The following RUNX2 variants were observed in gnomAD, a reference collection of about 807,000 sequenced individuals.
RUNX2 encodes RUNX family transcription factor 2, also known as runt-related transcription factor 2.
RUNX2 carries 10 observed loss-of-function variants against 51.7 expected under a neutral mutation model. That is an observed-to-expected ratio of 0.19 (90% CI 0.12 to 0.33). RUNX2 has a LOEUF of 0.33. Among genes scored for constraint, RUNX2 ranks in the 10% least tolerant of loss-of-function variants. The pLI is 1.00. For missense variants in RUNX2, 562 were observed against 691.3 expected, an observed-to-expected ratio of 0.81 and a Z score of 2.10; for synonymous variants, 276 against 273.6, an observed-to-expected ratio of 1.01 and a Z score of -0.09.
intron 2 of RUNX2, chr6:45,377,216 A>G (rs999652597): frequency 6.6e-6 from 1 of 152,190 alleles, no homozygotes; most frequent in African/African-American, 2.4e-5. Flanking sequence ...AATCCTCACA[A>G]TTCTGAAATA....
chr6:45,413,737 T>C (rs1229600994), intron 2 of RUNX2, among the ~76,000 whole-genome samples: 1 of 152,158 alleles, frequency 6.6e-6, no homozygotes. Context: ...GCCTAAAAGA[T>C]ACATTCTTTT....
intron 3 of RUNX2, among the ~76,000 whole-genome samples, chr6:45,424,779 G>A (rs1397294027): frequency 2.0e-5 from 3 of 152,066 alleles, no homozygotes; most frequent in Non-Finnish European, 4.4e-5. Flanking sequence ...GAAAGGGGAT[G>A]TTGCATTCTG....
chr6:45,466,228 G>T (rs1000116034), intron 5 of RUNX2, among the ~76,000 whole-genome samples: 8 of 151,804 alleles, frequency 5.3e-5, no homozygotes, highest in Middle Eastern at 3.4e-3. Context: ...CAGGAGAATC[G>T]CTTGAACCAG....
intron 5 of RUNX2, among the ~76,000 whole-genome samples, chr6:45,490,891 C>T (rs1325944425): frequency 6.6e-6 from 1 of 152,118 alleles, no homozygotes; most frequent in Non-Finnish European, 1.5e-5. Flanking sequence ...AGGAAGGAAT[C>T]CCCAGTCCAT....
chr6:45,393,641 G>A (rs1447510538), intron 2 of RUNX2, among the ~76,000 whole-genome samples: 1 of 151,970 alleles, frequency 6.6e-6, no homozygotes, highest in Non-Finnish European at 1.5e-5. Flanking sequence ...TGTTAGCCAG[G>A]ATGGTCTTGA....
intron 2 of RUNX2, among the ~76,000 whole-genome samples, chr6:45,376,958 T>C (rs995695597): frequency 6.6e-6 from 1 of 151,762 alleles, no homozygotes; most frequent in Non-Finnish European, 1.5e-5. Flanking sequence ...TCTATTAGCC[T>C]CTTGGAGAAA....
At chr6:45,359,142 T>A (rs1314390120) in intron 2 of RUNX2, among the ~76,000 whole-genome samples, 1 of 152,178 alleles carries the variant, frequency 6.6e-6, no homozygotes, top group East Asian at 1.9e-4. Flanking sequence ...ATGAGAGAAT[T>A]GATAGTAATA....
intron 2 of RUNX2, among the ~76,000 whole-genome samples, chr6:45,393,761 A>C (rs1797523961): frequency 6.6e-6 from 1 of 151,898 alleles, no homozygotes; most frequent in Non-Finnish European, 1.5e-5. Flanking sequence ...AAAGAGGTTT[A>C]ATTGGCTCAT....
At chr6:45,441,645 C>T (rs78147931) in intron 5 of RUNX2, among the ~76,000 whole-genome samples, 1 of 152,130 alleles carries the variant, frequency 6.6e-6, no homozygotes, top group Non-Finnish European at 1.5e-5. Flanking sequence ...TCTATAGATT[C>T]TGTTCTCTAG....
chr6:45,413,429 CTTTTTT>C (rs67659911), intron 2 of RUNX2, among the ~76,000 whole-genome samples: 2 of 56,636 alleles, frequency 3.5e-5, no homozygotes, highest in East Asian at 5.5e-4. Context: ...AAGATACATT[CTTTTTT>C]TTTTTTTTTT....
chr6:45,418,096 T>C (rs529694230), intron 2 of RUNX2, among the ~76,000 whole-genome samples: 140 of 152,348 alleles, frequency 9.2e-4, no homozygotes, highest in African/African-American at 3.1e-3. Context: ...TAATTTTCCA[T>C]TGGTTTTCCC....
chr6:45,407,405 TA>T (rs1327057633), intron 2 of RUNX2, among the ~76,000 whole-genome samples: 1 of 152,160 alleles, frequency 6.6e-6, no homozygotes, highest in Admixed American at 6.5e-5. Context: ...CTTCATCCAT[TA>T]AAAAAATACA....
chr6:45,440,182 G>A (rs889586209), intron 5 of RUNX2, among the ~76,000 whole-genome samples: 11 of 152,338 alleles, frequency 7.2e-5, no homozygotes, highest in Admixed American at 2.6e-4. Flanking sequence ...CGAAGTCAGT[G>A]TCTGGAGAGA....
rs150534921 is a variant in RUNX2 at position 45,499,121 on chromosome 6, G to T, written c.859+7007G>T. Among the ~76,000 whole-genome samples the T allele has an allele frequency of 4.2e-4, 64 of 152,308 alleles. 1 individual carries two copies. The East Asian group carries it at 0.012, about 28-fold the overall frequency. ...GTCACTGTGGTCCTGCTCACTTGTA[G>T]GCAACTTGTGTCAAGGAACTGAAGT... On this transcript the variant is annotated intron_variant, in intron 6 of 8. Transcript: ENST00000647337.
intron 5 of RUNX2, among the ~76,000 whole-genome samples, chr6:45,453,567 G>A (rs1799234631): frequency 6.6e-6 from 1 of 152,246 alleles, no homozygotes; most frequent in African/African-American, 2.4e-5. Flanking sequence ...TTCCTTAAGA[G>A]GTACTGTGAT....
chr6:45,491,154 G>C (rs190732494), intron 5 of RUNX2, among the ~76,000 whole-genome samples: 1 of 152,124 alleles, frequency 6.6e-6, no homozygotes, highest in African/African-American at 2.4e-5. Flanking sequence ...AGATAGAAAG[G>C]CTCCCCCCCT....
At chr6:45,535,465 G>A (rs947701847) in intron 7 of RUNX2, among the ~76,000 whole-genome samples, 38 of 152,178 alleles carry the variant, frequency 2.5e-4, no homozygotes, top group African/African-American at 5.8e-4. Context: ...TTAGCTGGGC[G>A]TGGTGGCGGG....
chr6:45,395,358 G>A (rs1031005036), intron 2 of RUNX2, among the ~76,000 whole-genome samples: 1 of 152,138 alleles, frequency 6.6e-6, no homozygotes, highest in Non-Finnish European at 1.5e-5. Flanking sequence ...CTGAAGTCAC[G>A]CTGGTACTCA....
chr6:45,438,825 A>G lies in RUNX2; in HGVS notation c.685+774A>G, dbSNP rs142222184. ...ACTCAGCATAGCGGTATTTGAATATATTTAGAGATTAAAGATTATTTGATA... is the reference window on the plus strand; with the variant it reads ...ACTCAGCATAGCGGTATTTGAATATGTTTAGAGATTAAAGATTATTTGATA... On this transcript the variant is annotated intron_variant, in intron 5 of 8. Coordinates refer to ENST00000647337, the MANE Select transcript of RUNX2 (RefSeq NM_001024630.4). Among the ~76,000 whole-genome samples, 53 of 152,236 alleles carry G rather than the reference A, an allele frequency of 3.5e-4. No individual in the cohort carries two copies. The East Asian group carries it at 8.7e-3, about 25-fold the overall frequency.
Sources: allele counts gnomAD v4.1 joint callset (sites outside exome capture counted in the v4.1 genomes callset), GRCh38; gene constraint gnomAD v4.1.1; transcripts MANE v1.5; gene names NCBI Gene and HGNC (gene_info 2026-07-23, HGNC 2026-07-21).